MYCBP2: variants seen among roughly 807,000 people sequenced by gnomAD.
The protein encoded by MYCBP2 is E3 ubiquitin-protein ligase MYCBP2.
A neutral mutation model predicts 525.3 loss-of-function variants in MYCBP2; 120 were observed. That is an observed-to-expected ratio of 0.23 (90% CI 0.20 to 0.27). The LOEUF is 0.27. Ranked by LOEUF, MYCBP2 falls within the 10% of genes least tolerant of loss-of-function variation. MYCBP2 has a pLI of 1.00. For synonymous variants in MYCBP2, 1,894 were observed against 1,955.8 expected (o/e 0.97, Z 0.83); for missense variants, 4,149 against 5,657.1 (o/e 0.73, Z 8.55).
At chr13:77,210,474 G>T (rs1014454447) in intron 23 of MYCBP2, among the ~76,000 whole-genome samples, 1 of 152,134 alleles carries the variant, frequency 6.6e-6, no homozygotes, top group Non-Finnish European at 1.5e-5. Flanking sequence ...TTACAGGCGT[G>T]AGCCACCGCA....
intron 78 of MYCBP2, 66 bp from the exon 79 acceptor site, chr13:77,057,159 G>T: frequency 1.7e-6 from 2 of 1,162,646 alleles, no homozygotes; most frequent in Non-Finnish European, 1.3e-6. Flanking sequence ...GTGACTGGGA[G>T]ATTATTTAAT....
chr13:77,062,792 C>T lies in MYCBP2; in HGVS notation c.12673-95G>A, dbSNP rs993572280. 50 of 963,940 alleles carry T rather than the reference C, an allele frequency of 5.2e-5. No homozygotes were observed. In the Admixed American group the frequency reaches 1.0e-3, roughly 19 times the overall value. 59.7% of individuals were successfully genotyped at this position (963,940 alleles called of 1,614,324 possible). A position where few individuals can be genotyped will look rare whatever the true frequency, so the allele number is the denominator to read the frequency against. ...ATCACAACAGCTCAATAAATGCTGG[C>T]TGATTTTGAAAATACATAGATACTC... is the stretch of plus-strand genomic sequence containing the variant. On this transcript the variant is annotated intron_variant, in intron 73 of 82. Transcript: ENST00000544440.
chr13:77,225,301 C>G, intron 19 of MYCBP2, 134 bp downstream of exon 19: 1 of 1,123,388 alleles, frequency 8.9e-7, no homozygotes, highest in South Asian at 1.6e-5. Context: ...ATACAAAGGT[C>G]TTACAGATTT....
At chr13:77,099,064 G>T in intron 55 of MYCBP2, 51 bp from the exon 56 acceptor site, 1 of 1,580,054 alleles carries the variant, frequency 6.3e-7, no homozygotes, top group East Asian at 2.2e-5. Context: ...ATAACTTACT[G>T]ATAATTTAGC....
At position 77,108,643 on chromosome 13, in the gene MYCBP2, G is replaced by A. The variant is rs78359926; in HGVS notation, c.8141-9630C>T. On this transcript the variant is annotated intron_variant, in intron 55 of 82. Transcript: ENST00000544440. ...ATCCTGAGAAAGAGACAACGCTTACGCAGCACAAAGACAGCTAAAACCTAA... is the reference window on the plus strand; with the variant it reads ...ATCCTGAGAAAGAGACAACGCTTACACAGCACAAAGACAGCTAAAACCTAA... Among the ~76,000 whole-genome samples the A allele has an allele frequency of 2.1e-3, 312 of 152,074 alleles. 2 individuals carry two copies. Among genetic ancestry groups the A allele is most frequent in the African/African-American group, 5.4e-3 (226 of 41,502 alleles).
At chr13:77,054,727 A>G (rs990165263) in intron 80 of MYCBP2, among the ~76,000 whole-genome samples, 9 of 151,984 alleles carry the variant, frequency 5.9e-5, no homozygotes, top group Non-Finnish European at 1.0e-4. Context: ...CAGTCCCCCA[A>G]GTAGCTGGGA....
At chr13:77,229,720 G>C (rs1317039895) in intron 18 of MYCBP2, among the ~76,000 whole-genome samples, 1 of 152,092 alleles carries the variant, frequency 6.6e-6, no homozygotes, top group African/African-American at 2.4e-5. Context: ...TGAAGCCAAA[G>C]AGATTAAGAC....
chr13:77,048,959 T>C (rs74096178), intron 82 of MYCBP2, among the ~76,000 whole-genome samples: 1 of 152,362 alleles, frequency 6.6e-6, no homozygotes, highest in African/African-American at 2.4e-5. Context: ...CCCCTGAAGA[T>C]ACTGCTTGCC....
chr13:77,076,252 A>G (rs905407314), intron 68 of MYCBP2: 1 of 152,288 alleles, frequency 6.6e-6, no homozygotes, highest in Non-Finnish European at 1.5e-5. Context: ...GGTCTTTAAG[A>G]AGCTATGGTT....
chr13:77,196,534 A>C (rs2061767545), intron 26 of MYCBP2, among the ~76,000 whole-genome samples: 1 of 152,224 alleles, frequency 6.6e-6, no homozygotes, highest in African/African-American at 2.4e-5. Flanking sequence ...CAGTTTTCAG[A>C]AGTGGTTAGA....
chr13:77,255,273 T>C (rs1036790430), intron 14 of MYCBP2, among the ~76,000 whole-genome samples: 2 of 151,984 alleles, frequency 1.3e-5, no homozygotes, highest in African/African-American at 4.8e-5. Flanking sequence ...CTCCCCAGCA[T>C]CTGTTATGAC....
intron 41 of MYCBP2, 39 bp from the exon 42 acceptor site, chr13:77,165,430 A>G: frequency 4.9e-6 from 7 of 1,421,722 alleles, no homozygotes; most frequent in Non-Finnish European, 5.8e-6. Context: ...ACTCTAAAAC[A>G]ATTTTATAAA....
In MYCBP2 at chr13:77,326,611, TAGCCCC is replaced by T; in HGVS notation, c.159_164del (p.Gly54_Leu55del). 2 of 1,577,408 alleles carry T rather than the reference TAGCCCC, an allele frequency of 1.3e-6. No individual in the cohort carries two copies. Among genetic ancestry groups the T allele is most frequent in the Non-Finnish European group, 8.6e-7 (1 of 1,164,462 alleles). ...AGTGACCCCGGGAGTCCGCGGCGGGTAGCCCCAGCCCCAGCCCCGCAGCAGCCACGG... is the reference window on the plus strand; with the variant it reads ...AGTGACCCCGGGAGTCCGCGGCGGGTAGCCCCAGCCCCGCAGCAGCCACGG... On this transcript the variant is annotated inframe_deletion, in exon 1 of 83. Transcript: ENST00000544440. This position sits in a 1 kb window ranked among gnomAD's most constrained non-coding sequence, Gnocchi z 4.2.
chr13:77,118,376 C>T (rs1273230785), intron 55 of MYCBP2: 2 of 762,930 alleles, frequency 2.6e-6, no homozygotes, highest in Non-Finnish European at 4.8e-6. Context: ...AGGGGCTGTC[C>T]GAACACAAAT....
intron 60 of MYCBP2, 70 bp downstream of exon 60, chr13:77,090,036 T>C: frequency 7.5e-7 from 1 of 1,333,422 alleles, no homozygotes; most frequent in Non-Finnish European, 9.9e-7. Flanking sequence ...AAAAATTATA[T>C]GCAAATAAAA....
intron 43 of MYCBP2, among the ~76,000 whole-genome samples, chr13:77,162,245 T>G (rs2154210041): frequency 6.6e-6 from 1 of 152,300 alleles, no homozygotes; most frequent in African/African-American, 2.4e-5. Context: ...CTGAACTTAG[T>G]GTATTCGTTT....
At position 77,068,601 on chromosome 13, in the gene MYCBP2, C is replaced by T. The variant is rs774282823; in HGVS notation, c.12135G>A (p.Ser4045=). 28 of 1,614,016 alleles carry T rather than the reference C, an allele frequency of 1.7e-5. No individual in the cohort carries two copies. Among genetic ancestry groups the T allele is most frequent in the African/African-American group, 2.7e-5 (2 of 74,998 alleles). The change falls in exon 70 of 83, where the codon TCG becomes TCA. Residue 4045 remains serine, a synonymous_variant. Transcript: ENST00000544440. ...CTCTAGGAGAGGCTGTGTGAAGCAGCGAGAAGAGATCCTGAAGCAGGGTTA... is the reference window on the plus strand; with the variant it reads ...CTCTAGGAGAGGCTGTGTGAAGCAGTGAGAAGAGATCCTGAAGCAGGGTTA... ...QQLTLLQDLF[S]LLHTASPRVQ...
chr13:77,168,259 TTAAA>T (rs2058747164), intron 40 of MYCBP2, among the ~76,000 whole-genome samples, 165 bp downstream of exon 40: 1 of 152,158 alleles, frequency 6.6e-6, no homozygotes, highest in Non-Finnish European at 1.5e-5. Flanking sequence ...AAATTCCATC[TTAAA>T]TTATTTTATA....
Position 77,098,744 on chromosome 13 carries a change from T to C in MYCBP2, c.8410A>G (p.Met2804Val), listed in dbSNP as rs764429078. The C allele has an allele frequency of 6.2e-7, 1 of 1,613,358 alleles. No individual in the cohort carries two copies. The highest frequency in any genetic ancestry group is 1.1e-5 in the South Asian group (1 of 91,028). ...TLQTLKSDGR[M>V]PSSSRAESPG... Reference sequence around the variant, plus strand: ...GATTCAGCTCTGGAGCTAGAAGGCATCCTCCCATCAGATTTCAATGTCTGC... The same window carrying C: ...GATTCAGCTCTGGAGCTAGAAGGCACCCTCCCATCAGATTTCAATGTCTGC... Residue 2804 changes from methionine to valine, a missense_variant, in exon 56 of 83, where the codon ATG becomes GTG. By Grantham distance (21) the Met-to-Val change is conservative (BLOSUM62 1). This residue lies in a region of MYCBP2 where 653 missense variants were observed against 744.7 expected (regional missense o/e 0.88). Transcript: ENST00000544440.
Sources: allele counts gnomAD v4.1 joint callset (sites outside exome capture counted in the v4.1 genomes callset), GRCh38; gene constraint gnomAD v4.1.1; regional missense constraint gnomAD v4.1.1; non-coding constraint Gnocchi (gnomAD v3.1); transcripts MANE v1.5; gene names NCBI Gene and HGNC (gene_info 2026-07-23, HGNC 2026-07-21).